ITPR1: variants seen among roughly 807,000 people sequenced by gnomAD.
ITPR1 encodes the protein inositol 1,4,5-trisphosphate-gated calcium channel ITPR1.
Under a neutral mutation model 318.4 loss-of-function variants are expected in ITPR1, and 96 were observed. That is an observed-to-expected ratio of 0.30 (90% CI 0.26 to 0.36). The LOEUF is 0.36. Among genes scored for constraint, ITPR1 ranks in the 10% least tolerant of loss-of-function variants. The pLI, the probability that ITPR1 is intolerant of heterozygous loss-of-function variation, is 1.00. For synonymous variants in ITPR1, 1,312 were observed against 1,289.9 expected (o/e 1.02, Z -0.37); for missense variants, 2,440 against 3,460.2 (o/e 0.71, Z 7.40).
At chr3:4,809,077 C>T (rs570731632) in intron 55 of ITPR1, among the ~76,000 whole-genome samples, 2 of 152,138 alleles carry the variant, frequency 1.3e-5, no homozygotes, top group Non-Finnish European at 2.9e-5. Context: ...CTGTGTTTTA[C>T]CTGTGACATT....
At chr3:4,680,748 T>A in intron 25 of ITPR1, 57 bp downstream of exon 25, 1 of 1,469,314 alleles carries the variant, frequency 6.8e-7, no homozygotes, top group Non-Finnish European at 9.3e-7. Flanking sequence ...CTAAGGAAAA[T>A]GGGGAGAGCA....
intron 60 of ITPR1, among the ~76,000 whole-genome samples, chr3:4,832,240 G>T (rs1006942349): frequency 1.3e-5 from 2 of 152,198 alleles, no homozygotes; most frequent in African/African-American, 4.8e-5. Flanking sequence ...ACTCTGTGTG[G>T]TGGTGATTGA....
At chr3:4,551,055 T>G (rs985986958) in intron 4 of ITPR1, among the ~76,000 whole-genome samples, 1 of 152,192 alleles carries the variant, frequency 6.6e-6, no homozygotes, top group East Asian at 1.9e-4. Context: ...ACAGAGCAGA[T>G]GTAGCTGAAG....
chr3:4,501,780 T>C (rs1208405645), intron 2 of ITPR1, among the ~76,000 whole-genome samples: 1 of 152,198 alleles, frequency 6.6e-6, no homozygotes, highest in East Asian at 1.9e-4. Flanking sequence ...GCTGTTCACA[T>C]GAAGGCAGAA....
chr3:4,684,002 C>T (rs536172821), intron 28 of ITPR1, among the ~76,000 whole-genome samples: 1 of 152,126 alleles, frequency 6.6e-6, no homozygotes, highest in African/African-American at 2.4e-5. Context: ...AGCCTTGGAC[C>T]ATGTAGAAGA....
chr3:4,576,490 C>A (rs998894138), intron 4 of ITPR1, among the ~76,000 whole-genome samples: 4 of 152,040 alleles, frequency 2.6e-5, no homozygotes, highest in Admixed American at 1.3e-4. Flanking sequence ...GGAGAGAGGG[C>A]AGGATTGGTG....
At chr3:4,571,396 A>C (rs949102069) in intron 4 of ITPR1, among the ~76,000 whole-genome samples, 2 of 151,700 alleles carry the variant, frequency 1.3e-5, no homozygotes, top group Non-Finnish European at 2.9e-5. Flanking sequence ...GCTGGAGTGC[A>C]GTGGCATGAT....
At chr3:4,633,544 A>G (rs181085674) in intron 5 of ITPR1, among the ~76,000 whole-genome samples, 2 of 152,200 alleles carry the variant, frequency 1.3e-5, no homozygotes, top group African/African-American at 4.8e-5. Context: ...TTTGACTAGG[A>G]TGAGCAACAT....
At chr3:4,713,038 A>C (rs1258576387) in intron 39 of ITPR1, among the ~76,000 whole-genome samples, 1 of 152,208 alleles carries the variant, frequency 6.6e-6, no homozygotes, top group East Asian at 1.9e-4. Context: ...TGGCCTGTTC[A>C]TACCTGTATA....
chr3:4,724,852 G>T (rs1381709000), intron 40 of ITPR1, among the ~76,000 whole-genome samples: 3 of 152,164 alleles, frequency 2.0e-5, no homozygotes, highest in Non-Finnish European at 2.9e-5. Flanking sequence ...GGTGGTATCT[G>T]TGTGGCATGG....
chr3:4,584,160 G>A (rs112587162), intron 4 of ITPR1, among the ~76,000 whole-genome samples: 5,956 of 152,076 alleles, frequency 0.039, 158 homozygotes, highest in Middle Eastern at 0.078. Context: ...ATTATCTTCA[G>A]TACCTCCTCT....
In ITPR1 at chr3:4,739,589, CAG is replaced by C. The variant is rs548120788; in HGVS notation, c.5544+4238_5544+4239del. 6.3e-4 allele frequency among the ~76,000 whole-genome samples: 96 copies of C among 152,338 alleles called. 1 individual carries two copies. Among genetic ancestry groups the C allele is most frequent in the Middle Eastern group, 3.4e-3 (1 of 294 alleles). ...AAACTCAAGGAGGTTATGACTTACT[CAG>C]AGTTCCAGAGCTGGACAAAACCCAT... On this transcript the variant is annotated intron_variant, in intron 44 of 61. Coordinates refer to ENST00000649015, the MANE Select transcript of ITPR1 (RefSeq NM_001378452.1).
chr3:4,828,334 A>G (rs2106524701), intron 60 of ITPR1, among the ~76,000 whole-genome samples: 1 of 152,292 alleles, frequency 6.6e-6, no homozygotes, highest in Non-Finnish European at 1.5e-5. Flanking sequence ...GTTCTGGCAT[A>G]TTTCTTAGCT....
intron 4 of ITPR1, among the ~76,000 whole-genome samples, chr3:4,601,218 A>G (rs1385369980): frequency 7.8e-6 from 1 of 128,866 alleles, no homozygotes; most frequent in Non-Finnish European, 1.6e-5. Flanking sequence ...GGATTTCCAC[A>G]TGCAAAAAAG....
At chr3:4,802,139 G>T (rs1288267404) in intron 54 of ITPR1, among the ~76,000 whole-genome samples, 1 of 152,168 alleles carries the variant, frequency 6.6e-6, no homozygotes, top group Non-Finnish European at 1.5e-5. Flanking sequence ...CACAATGAAA[G>T]GTTTCATTAC....
chr3:4,537,601 A>G (rs977794324), intron 4 of ITPR1, among the ~76,000 whole-genome samples: 10 of 152,226 alleles, frequency 6.6e-5, no homozygotes, highest in African/African-American at 9.6e-5. Flanking sequence ...GCCTGATCAC[A>G]AGGGTCCTTG....
intron 23 of ITPR1, 56 bp from the exon 24 acceptor site, chr3:4,676,558 G>A: frequency 1.5e-6 from 2 of 1,370,134 alleles, no homozygotes; most frequent in African/African-American, 1.4e-5. Flanking sequence ...CTTGACATAT[G>A]CCTCTGAGCA....
intron 4 of ITPR1, among the ~76,000 whole-genome samples, chr3:4,551,832 G>C (rs1168143497): frequency 6.6e-6 from 1 of 152,200 alleles, no homozygotes; most frequent in East Asian, 1.9e-4. Flanking sequence ...GCTGCAACCA[G>C]TCGTATCTTA....
intron 2 of ITPR1, among the ~76,000 whole-genome samples, chr3:4,500,222 C>T (rs1026785275): frequency 1.3e-5 from 2 of 152,174 alleles, no homozygotes; most frequent in African/African-American, 4.8e-5. Context: ...TTTTTTGAGA[C>T]AGAGTCTTAC....
Sources: gnomAD v4.1 joint callset for allele counts (sites outside exome capture counted in the v4.1 genomes callset) on GRCh38, gnomAD v4.1.1 for gene constraint, MANE v1.5 for transcripts, NCBI Gene and HGNC (gene_info 2026-07-23, HGNC 2026-07-21) for gene names.